The following WDR70 variants were observed in gnomAD, a reference collection of about 807,000 sequenced individuals.
The protein encoded by WDR70 is WD repeat-containing protein 70.
In WDR70, 53 loss-of-function variants were observed where a neutral mutation model predicts 88.6. The ratio of observed to expected loss-of-function variants is 0.60; its 90% CI spans 0.48 to 0.75. The LOEUF is 0.75. Among genes scored for constraint, WDR70 ranks in the 30% least tolerant of loss-of-function variants. The pLI is 0.00. For missense variants in WDR70, 610 were observed against 823.2 expected, an observed-to-expected ratio of 0.74 and a Z score of 3.17; for synonymous variants, 280 against 270.0, an observed-to-expected ratio of 1.04 and a Z score of -0.36.
chr5:37,724,995 G>A lies in WDR70; in HGVS notation c.1659G>A (p.Lys553=), dbSNP rs1447965462. 6.2e-7 allele frequency: 1 copy of A among 1,613,552 alleles called. No homozygotes were observed. The highest frequency in any genetic ancestry group is 2.2e-5 in the East Asian group (1 of 44,870). The change falls in exon 16 of 18, where the codon AAG becomes AAA. Residue 553 remains lysine, a synonymous_variant. Coordinates refer to ENST00000265107, the MANE Select transcript of WDR70 (RefSeq NM_018034.4). ...RQRSTRKQLE[K]DRLDPLKSHK... ...GGAGTACAAGGAAACAGCTGGAGAAGGACAGACTGGATCCCCTGAAGTCGC... is the reference window on the plus strand; with the variant it reads ...GGAGTACAAGGAAACAGCTGGAGAAAGACAGACTGGATCCCCTGAAGTCGC...
chr5:37,495,264 T>C (rs1222570011), intron 8 of WDR70, among the ~76,000 whole-genome samples: 1 of 152,192 alleles, frequency 6.6e-6, no homozygotes, highest in Non-Finnish European at 1.5e-5. Context: ...TATTCCCTAC[T>C]ATTTTCTGCT....
intron 5 of WDR70, among the ~76,000 whole-genome samples, chr5:37,424,684 C>T (rs530510976): frequency 5.9e-5 from 9 of 152,256 alleles, no homozygotes; most frequent in South Asian, 2.1e-4. Flanking sequence ...ACTGGGATTA[C>T]AGGCATGAGT....
At chr5:37,644,813 G>T (rs1745191755) in intron 10 of WDR70, among the ~76,000 whole-genome samples, 1 of 151,760 alleles carries the variant, frequency 6.6e-6, no homozygotes, top group South Asian at 2.1e-4. Flanking sequence ...AGTATTGGTT[G>T]TAATAGCTCC....
chr5:37,447,320 A>G (rs1738517738), intron 7 of WDR70, among the ~76,000 whole-genome samples: 1 of 152,190 alleles, frequency 6.6e-6, no homozygotes, highest in Admixed American at 6.5e-5. Flanking sequence ...AGAAATAGGA[A>G]CACTTGTACA....
At chr5:37,528,507 A>G (rs1741373842) in intron 9 of WDR70, among the ~76,000 whole-genome samples, 1 of 152,174 alleles carries the variant, frequency 6.6e-6, no homozygotes, top group African/African-American at 2.4e-5. Context: ...GAGGGAGAGC[A>G]TTAGGAGATA....
chr5:37,623,722 C>T (rs1744582304), intron 10 of WDR70, among the ~76,000 whole-genome samples: 1 of 152,074 alleles, frequency 6.6e-6, no homozygotes, highest in African/African-American at 2.4e-5. Context: ...TCACAAACTT[C>T]AGTTTCCTCA....
At chr5:37,532,744 C>T (rs1281839589) in intron 9 of WDR70, among the ~76,000 whole-genome samples, 1 of 152,140 alleles carries the variant, frequency 6.6e-6, no homozygotes, top group Non-Finnish European at 1.5e-5. Flanking sequence ...AATCGACCTT[C>T]TAAATTCTTT....
intron 10 of WDR70, among the ~76,000 whole-genome samples, chr5:37,630,330 G>A (rs1237145048): frequency 2.0e-5 from 3 of 152,200 alleles, no homozygotes; most frequent in Non-Finnish European, 2.9e-5. Context: ...GCTCATGGCT[G>A]CTTCAACAGT....
intron 3 of WDR70, 152 bp from the exon 4 acceptor site, chr5:37,391,848 C>A: frequency 1.3e-6 from 1 of 754,282 alleles, no homozygotes; most frequent in Non-Finnish European, 2.0e-6. Flanking sequence ...ATACTGTTTT[C>A]CAGTGGCTGT....
intron 17 of WDR70, among the ~76,000 whole-genome samples, chr5:37,733,603 A>G (rs1748216939): frequency 6.6e-6 from 1 of 151,992 alleles, no homozygotes; most frequent in South Asian, 2.1e-4. Flanking sequence ...GCAAGTATCA[A>G]TACCAGTCTT....
chr5:37,593,829 A>G (rs1260250035), intron 9 of WDR70, among the ~76,000 whole-genome samples: 1 of 152,120 alleles, frequency 6.6e-6, no homozygotes, highest in Non-Finnish European at 1.5e-5. Flanking sequence ...CTGACTTTTT[A>G]ATGATTGCCA....
chr5:37,702,338 A>G (rs1002560586), intron 12 of WDR70, among the ~76,000 whole-genome samples: 5 of 152,198 alleles, frequency 3.3e-5, no homozygotes, highest in African/African-American at 7.2e-5. Context: ...CTAACTATAT[A>G]ACTTCTTTGG....
chr5:37,551,767 A>ATTT (rs1742151852), intron 9 of WDR70, among the ~76,000 whole-genome samples: 1 of 96,304 alleles, frequency 1.0e-5, no homozygotes, highest in African/African-American at 4.2e-5. Flanking sequence ...TTCATTGTTT[A>ATTT]GTTTTTTTTT....
intron 8 of WDR70, among the ~76,000 whole-genome samples, chr5:37,484,231 C>T (rs553827640): frequency 5.3e-5 from 8 of 152,298 alleles, no homozygotes; most frequent in South Asian, 4.2e-4. Flanking sequence ...TGTAGCTAGC[C>T]GAGATCACGC....
intron 9 of WDR70, among the ~76,000 whole-genome samples, chr5:37,557,956 T>TACTCTTTTGAAAACTCTTCAAAAGAGA (rs1561900797): frequency 1.4e-5 from 2 of 145,032 alleles, no homozygotes; most frequent in African/African-American, 5.0e-5. Flanking sequence ...TTCAAAAGAG[T>TACTCTTTTGAAAACTCTTCAAAAGAGA]ATTATGTATA....
intron 9 of WDR70, among the ~76,000 whole-genome samples, chr5:37,555,052 T>C (rs1440318793): frequency 6.6e-6 from 1 of 152,246 alleles, no homozygotes; most frequent in African/African-American, 2.4e-5. Flanking sequence ...GTTTATAGAA[T>C]TGTGTTGTGT....
intron 9 of WDR70, among the ~76,000 whole-genome samples, chr5:37,569,317 G>A (rs1742834946): frequency 6.6e-6 from 1 of 152,170 alleles, no homozygotes; most frequent in African/African-American, 2.4e-5. Context: ...GGGGTGGGAA[G>A]TCACTTGCTG....
At chr5:37,585,047 A>G (rs748069374) in intron 9 of WDR70, among the ~76,000 whole-genome samples, 1 of 148,802 alleles carries the variant, frequency 6.7e-6, no homozygotes, top group East Asian at 2.0e-4. Context: ...CTGGAATGCC[A>G]TGGCACGATA....
At chr5:37,383,451 G>A (rs1289025226) in intron 3 of WDR70, among the ~76,000 whole-genome samples, 2 of 151,960 alleles carry the variant, frequency 1.3e-5, no homozygotes, top group Admixed American at 6.6e-5. Flanking sequence ...TAGTGGAGAC[G>A]GGGTTTCGCC....
Sources: allele counts gnomAD v4.1 joint callset (sites outside exome capture counted in the v4.1 genomes callset), GRCh38; gene constraint gnomAD v4.1.1; transcripts MANE v1.5; gene names NCBI Gene and HGNC (gene_info 2026-07-23, HGNC 2026-07-21).